The following NR2F1-AS1 variants were observed in gnomAD, a reference collection of about 807,000 sequenced individuals.
NR2F1-AS1 encodes the protein NR2F1 regulatory antisense RNA 1.
At chr5:93,554,807 C>T (rs1752315540) in intron 3 of NR2F1-AS1, 1 of 152,138 alleles carries the variant, frequency 6.6e-6, no homozygotes, top group African/African-American at 2.4e-5. Context: ...AAACAAACAG[C>T]TAGATTCTAA....
At chr5:93,443,914 C>A (rs777078403) in intron 4 of NR2F1-AS1, among the ~76,000 whole-genome samples, 2 of 152,114 alleles carry the variant, frequency 1.3e-5, no homozygotes, top group Non-Finnish European at 2.9e-5. Flanking sequence ...TTAAGGGAAA[C>A]AATTTTCAAC....
intron 4 of NR2F1-AS1, among the ~76,000 whole-genome samples, chr5:93,523,265 C>G (rs1261390788): frequency 1.3e-5 from 2 of 152,130 alleles, no homozygotes; most frequent in Non-Finnish European, 2.9e-5. Flanking sequence ...CAAGGCAGTA[C>G]AGCAAAGCCA....
chr5:93,446,858 C>T (rs1197300540), intron 4 of NR2F1-AS1, among the ~76,000 whole-genome samples: 3 of 152,060 alleles, frequency 2.0e-5, no homozygotes, highest in Non-Finnish European at 4.4e-5. Flanking sequence ...AACAGAGATA[C>T]AGACCAATGG....
chr5:93,569,264 A>G (rs1405951938), intron 1 of NR2F1-AS1, among the ~76,000 whole-genome samples: 1 of 152,226 alleles, frequency 6.6e-6, no homozygotes, highest in East Asian at 1.9e-4. Context: ...AACCTTCTTA[A>G]AAGCAATTCG....
At chr5:93,561,584 G>A (rs1051919532) in intron 2 of NR2F1-AS1, among the ~76,000 whole-genome samples, 1 of 151,854 alleles carries the variant, frequency 6.6e-6, no homozygotes, top group Non-Finnish European at 1.5e-5. Context: ...ACCAGTCCAG[G>A]CAACAAAGTG....
intron 4 of NR2F1-AS1, among the ~76,000 whole-genome samples, chr5:93,446,808 C>A (rs1004493107): frequency 6.6e-6 from 1 of 152,164 alleles, no homozygotes; most frequent in African/African-American, 2.4e-5. Context: ...AACTATACTA[C>A]AAGGCTACAG....
At chr5:93,525,116 C>G (rs551643933) in intron 4 of NR2F1-AS1, among the ~76,000 whole-genome samples, 78 of 152,112 alleles carry the variant, frequency 5.1e-4, no homozygotes, top group African/African-American at 1.8e-3. Flanking sequence ...GGAGACCCAT[C>G]TCATGTGAAA....
At chr5:93,525,594 AC>A (rs1465812334) in intron 4 of NR2F1-AS1, among the ~76,000 whole-genome samples, 1 of 152,220 alleles carries the variant, frequency 6.6e-6, no homozygotes, top group Non-Finnish European at 1.5e-5. Context: ...TCTAAAATTG[AC>A]CACATAATTA....
chr5:93,552,416 G>C (rs1003368661), intron 4 of NR2F1-AS1, among the ~76,000 whole-genome samples: 1 of 152,090 alleles, frequency 6.6e-6, no homozygotes, highest in Admixed American at 6.5e-5. Context: ...AGTTTAACTG[G>C]GGTTTAACAT....
At chr5:93,557,678 G>C (rs1417446524) in intron 2 of NR2F1-AS1, among the ~76,000 whole-genome samples, 3 of 152,146 alleles carry the variant, frequency 2.0e-5, no homozygotes, top group Non-Finnish European at 4.4e-5. Flanking sequence ...GACTGATCAA[G>C]GTGGTGATTG....
At chr5:93,556,419 A>T (rs1752357150) in intron 2 of NR2F1-AS1, among the ~76,000 whole-genome samples, 1 of 152,192 alleles carries the variant, frequency 6.6e-6, no homozygotes, top group South Asian at 2.1e-4. Flanking sequence ...TATGTATATA[A>T]CCACTACTAA....
At chr5:93,501,230 T>A (rs1751072054) in intron 4 of NR2F1-AS1, among the ~76,000 whole-genome samples, 1 of 151,514 alleles carries the variant, frequency 6.6e-6, no homozygotes, top group Non-Finnish European at 1.5e-5. Context: ...ACTGAATTGC[T>A]GTAATCTTAC....
chr5:93,436,887 G>C (rs1349673238), intron 4 of NR2F1-AS1, among the ~76,000 whole-genome samples: 1 of 151,698 alleles, frequency 6.6e-6, no homozygotes, highest in East Asian at 1.9e-4. Context: ...TTACACTCAA[G>C]GACCTAATGA....
At chr5:93,561,546 GA>G in intron 2 of NR2F1-AS1, among the ~76,000 whole-genome samples, 1 of 152,032 alleles carries the variant, frequency 6.6e-6, no homozygotes, top group East Asian at 1.9e-4. Flanking sequence ...GCCAAAGCGG[GA>G]GGTTCGCTTG....
chr5:93,491,164 G>T (rs924927304), intron 4 of NR2F1-AS1, among the ~76,000 whole-genome samples: 6 of 151,326 alleles, frequency 4.0e-5, no homozygotes, highest in African/African-American at 1.5e-4. Flanking sequence ...TGGTGGTTGT[G>T]GTTATGGTAG....
intron 2 of NR2F1-AS1, among the ~76,000 whole-genome samples, chr5:93,558,065 T>G (rs1403616792): frequency 6.6e-6 from 1 of 152,162 alleles, no homozygotes; most frequent in Admixed American, 6.5e-5. Context: ...ATTATAGTTC[T>G]CCCTATTTCT....
rs578229286 is a variant in NR2F1-AS1 at position 93,505,875 on chromosome 5, C to G, written n.638+47886G>C. On this transcript the variant is annotated intron_variant and non_coding_transcript_variant, in intron 4 of 5. Transcript: ENST00000660523. Reference sequence around the variant, plus strand: ...ACATGGCCTGGAGACATTTTCCCCACGGTCTTGGGGATTAACATTAGGCTC... The same window carrying G: ...ACATGGCCTGGAGACATTTTCCCCAGGGTCTTGGGGATTAACATTAGGCTC... 7.9e-5 allele frequency among the ~76,000 whole-genome samples: 12 copies of G among 152,256 alleles called. 1 individual carries two copies. Among genetic ancestry groups the G allele is most frequent in the East Asian group, 1.9e-4 (1 of 5,152 alleles).
At chr5:93,449,960 T>C (rs1019746572) in intron 4 of NR2F1-AS1, among the ~76,000 whole-genome samples, 2 of 152,186 alleles carry the variant, frequency 1.3e-5, no homozygotes, top group Non-Finnish European at 2.9e-5. Context: ...TCTGGGAGAT[T>C]AGTGTTTCAA....
At chr5:93,573,468 C>A (rs986513949) in intron 1 of NR2F1-AS1, among the ~76,000 whole-genome samples, 2 of 152,058 alleles carry the variant, frequency 1.3e-5, no homozygotes, top group Non-Finnish European at 2.9e-5. Flanking sequence ...ACTTGGGGCA[C>A]GACTATCACA....
Sources: gnomAD v4.1 joint callset for allele counts (sites outside exome capture counted in the v4.1 genomes callset) on GRCh38, gnomAD v4.1.1 for gene constraint, MANE v1.5 for transcripts, NCBI Gene and HGNC (gene_info 2026-07-23, HGNC 2026-07-21) for gene names.